Variants in NREP observed in about 807,000 individuals in gnomAD.
The protein encoded by NREP is neuronal regeneration related protein, also known as neuronal regeneration-related protein.
Under a neutral mutation model 8.6 loss-of-function variants are expected in NREP, and 5 were observed. That is an observed-to-expected ratio of 0.58 (90% CI 0.30 to 1.22). The LOEUF is 1.22. Ranked by LOEUF, NREP falls within the 50% of genes most tolerant of loss-of-function variation. The pLI is 0.07. For synonymous variants in NREP, 27 were observed against 28.0 expected (o/e 0.96, Z 0.11); for missense variants, 86 against 82.5 (o/e 1.04, Z -0.17).
intron 2 of NREP, among the ~76,000 whole-genome samples, chr5:111,951,762 T>C (rs550885790): frequency 5.3e-5 from 8 of 152,206 alleles, no homozygotes; most frequent in African/African-American, 1.9e-4. Flanking sequence ...ACTTAAAATC[T>C]CAAAAGTTTT....
intron 2 of NREP, among the ~76,000 whole-genome samples, chr5:111,886,941 G>A (rs919290353): frequency 6.6e-6 from 1 of 151,668 alleles, no homozygotes; most frequent in Non-Finnish European, 1.5e-5. Flanking sequence ...ACTGCACATT[G>A]TGCACATGTA....
intron 2 of NREP, among the ~76,000 whole-genome samples, chr5:111,903,171 C>T (rs1754690240): frequency 6.6e-6 from 1 of 150,500 alleles, no homozygotes; most frequent in Non-Finnish European, 1.5e-5. Context: ...GCAACCTCCA[C>T]CTCCCGGGTT....
chr5:111,923,902 C>A (rs974031367), intron 2 of NREP, among the ~76,000 whole-genome samples: 4 of 152,116 alleles, frequency 2.6e-5, no homozygotes, highest in African/African-American at 4.8e-5. Flanking sequence ...GTTAAAGACC[C>A]TTTTTGATTC....
At chr5:111,814,756 G>A (rs1027990926) in intron 2 of NREP, among the ~76,000 whole-genome samples, 1 of 152,088 alleles carries the variant, frequency 6.6e-6, no homozygotes, top group Admixed American at 6.6e-5. Context: ...AAGAATGGGA[G>A]TATATGCAAA....
chr5:111,791,768 C>G (rs1751753075), intron 2 of NREP, among the ~76,000 whole-genome samples: 1 of 152,198 alleles, frequency 6.6e-6, no homozygotes, highest in African/African-American at 2.4e-5. Context: ...CCATGGCACC[C>G]TGTGACTTAA....
At chr5:111,896,484 C>G (rs867213012) in intron 2 of NREP, among the ~76,000 whole-genome samples, 5 of 152,082 alleles carry the variant, frequency 3.3e-5, no homozygotes, top group African/African-American at 1.2e-4. Flanking sequence ...GTGGTCAGAG[C>G]TCTACATACA....
intron 2 of NREP, among the ~76,000 whole-genome samples, chr5:111,885,218 A>G (rs1754208038): frequency 1.3e-5 from 2 of 151,764 alleles, no homozygotes; most frequent in South Asian, 4.2e-4. Flanking sequence ...GTGAACTCCC[A>G]TTCACAATTG....
chr5:111,972,407 T>C (rs1431159816), intron 2 of NREP, among the ~76,000 whole-genome samples: 3 of 152,326 alleles, frequency 2.0e-5, no homozygotes, highest in East Asian at 3.9e-4. Context: ...TTTTTCAGGA[T>C]TGCAGTGGTT....
chr5:111,758,518 C>G (rs2112859986), upstream of NREP, among the ~76,000 whole-genome samples: 1 of 152,218 alleles, frequency 6.6e-6, no homozygotes, highest in Non-Finnish European at 1.5e-5. Flanking sequence ...GCCAATAAAG[C>G]AGGATATCAT....
chr5:111,733,079 G>A (rs6864761), intron 3 of NREP: 2 of 152,234 alleles, frequency 1.3e-5, no homozygotes, highest in South Asian at 2.1e-4. Flanking sequence ...AGAAAGTGAC[G>A]ATTATTTCAG....
chr5:111,958,386 T>C (rs1252136693), intron 2 of NREP, among the ~76,000 whole-genome samples: 7 of 151,742 alleles, frequency 4.6e-5, no homozygotes, highest in Admixed American at 2.6e-4. Flanking sequence ...AGAAACAAAA[T>C]TGTCACAATT....
At chr5:111,850,144 T>A (rs1420471738) in intron 2 of NREP, among the ~76,000 whole-genome samples, 1 of 152,184 alleles carries the variant, frequency 6.6e-6, no homozygotes, top group Non-Finnish European at 1.5e-5. Flanking sequence ...CGTGTCTACC[T>A]CTCTACAGCT....
At chr5:111,942,638 GT>G (rs201786983) in intron 2 of NREP, among the ~76,000 whole-genome samples, 56 of 151,690 alleles carry the variant, frequency 3.7e-4, no homozygotes, top group Admixed American at 1.4e-3. Flanking sequence ...TAAAGCACTA[GT>G]TTTAAAAAAA....
intron 2 of NREP, among the ~76,000 whole-genome samples, chr5:111,890,903 T>G (rs1257302894): frequency 6.6e-6 from 1 of 152,224 alleles, no homozygotes; most frequent in Non-Finnish European, 1.5e-5. Flanking sequence ...TTTTTCCCAT[T>G]ATCTTGGCTA....
intron 2 of NREP, among the ~76,000 whole-genome samples, chr5:111,969,961 G>A (rs1325955163): frequency 6.6e-6 from 1 of 152,154 alleles, no homozygotes; most frequent in Non-Finnish European, 1.5e-5. Context: ...AGCTCTATTA[G>A]ACATGTTGAA....
At chr5:111,871,529 A>G (rs1298963600) in intron 2 of NREP, among the ~76,000 whole-genome samples, 2 of 152,080 alleles carry the variant, frequency 1.3e-5, no homozygotes, top group Non-Finnish European at 2.9e-5. Flanking sequence ...TTCTCTAATA[A>G]TACATTAATT....
intron 2 of NREP, among the ~76,000 whole-genome samples, chr5:111,934,546 C>A (rs1035173525): frequency 6.6e-6 from 1 of 151,894 alleles, no homozygotes; most frequent in Non-Finnish European, 1.5e-5. Flanking sequence ...CACATAGGAC[C>A]AGAAAAGAAA....
intron 2 of NREP, among the ~76,000 whole-genome samples, chr5:111,923,090 T>C (rs1755291073): frequency 6.6e-6 from 1 of 152,190 alleles, no homozygotes. Context: ...AGTGAGAAAC[T>C]GTCTCTCCTT....
At chr5:111,934,140 G>C (rs919277359) in intron 2 of NREP, among the ~76,000 whole-genome samples, 23 of 152,182 alleles carry the variant, frequency 1.5e-4, no homozygotes, top group East Asian at 1.9e-4. Flanking sequence ...TTATCTACCA[G>C]ATGGTTGAGC....
Sources: allele counts gnomAD v4.1 joint callset (sites outside exome capture counted in the v4.1 genomes callset), GRCh38; gene constraint gnomAD v4.1.1; transcripts MANE v1.5; gene names NCBI Gene and HGNC (gene_info 2026-07-23, HGNC 2026-07-21).